CD44: variants seen among roughly 807,000 people sequenced by gnomAD.
CD44 encodes CD44 antigen.
A neutral mutation model predicts 88.8 loss-of-function variants in CD44; 49 were observed. That is an observed-to-expected ratio of 0.55 (90% confidence interval 0.44 to 0.70). The LOEUF is 0.70. CD44 is among the 30% of genes least tolerant of loss of function. CD44 has a pLI of 0.00. For missense variants in CD44, 883 were observed against 913.8 expected (o/e 0.97, Z 0.43); for synonymous variants, 325 against 312.3 (o/e 1.04, Z -0.43).
chr11:35,223,190 A>G, intron 17 of CD44: 1 of 984,684 alleles, frequency 1.0e-6, no homozygotes, highest in Non-Finnish European at 1.2e-6. Flanking sequence ...CTATGATTGA[A>G]TGGAAAGATT....
chr11:35,159,540 G>A (rs1590957510), intron 1 of CD44, among the ~76,000 whole-genome samples: 1 of 152,112 alleles, frequency 6.6e-6, no homozygotes, highest in African/African-American at 2.4e-5. Context: ...AGTCATCCAA[G>A]GTTTCATCTT....
chr11:35,168,227 T>C (rs971823123), intron 1 of CD44, among the ~76,000 whole-genome samples: 2 of 152,168 alleles, frequency 1.3e-5, no homozygotes, highest in Non-Finnish European at 2.9e-5. Context: ...AAAAATCACA[T>C]GAAGGGTAAG....
intron 1 of CD44, among the ~76,000 whole-genome samples, chr11:35,157,814 T>C (rs937987043): frequency 1.3e-5 from 2 of 152,164 alleles, no homozygotes; most frequent in Non-Finnish European, 2.9e-5. Flanking sequence ...GAAACATTTT[T>C]CCTCTAGAGA....
chr11:35,228,969 T>A (rs1428652265), intron 17 of CD44, among the ~76,000 whole-genome samples, 160 bp from the exon 18 acceptor site: 1 of 152,178 alleles, frequency 6.6e-6, no homozygotes, highest in Non-Finnish European at 1.5e-5. Flanking sequence ...GTGCTGGTTG[T>A]TAGTTGTTAA....
intron 14 of CD44, chr11:35,213,639 G>A (rs1386995478): frequency 2.0e-5 from 3 of 152,242 alleles, no homozygotes; most frequent in South Asian, 2.1e-4. Context: ...GCGACAGAAC[G>A]AGGCTCCGTC....
At chr11:35,171,628 A>G (rs1164728544) in intron 1 of CD44, among the ~76,000 whole-genome samples, 1 of 152,228 alleles carries the variant, frequency 6.6e-6, no homozygotes, top group Non-Finnish European at 1.5e-5. Flanking sequence ...TGGAAAAATG[A>G]GATTAAAAGA....
intron 1 of CD44, among the ~76,000 whole-genome samples, chr11:35,157,162 A>T (rs1981154): frequency 0.12 from 17,867 of 152,198 alleles, 1,315 homozygotes; most frequent in African/African-American, 0.2. Flanking sequence ...ACATGGAGAC[A>T]CTGAATTTGG....
At chr11:35,212,341 G>A (rs1312100424) in intron 14 of CD44, among the ~76,000 whole-genome samples, 1 of 151,950 alleles carries the variant, frequency 6.6e-6, no homozygotes, top group Non-Finnish European at 1.5e-5. Flanking sequence ...TTGGAGCAGA[G>A]ATCTTCTCTC....
At chr11:35,190,352 C>T (rs1946148091) in intron 5 of CD44, 1 of 481,688 alleles carries the variant, frequency 2.1e-6, no homozygotes, top group Non-Finnish European at 3.8e-6. Flanking sequence ...CTCTTATCCC[C>T]AGGTATACAG....
rs147546247 is a variant in CD44 at position 35,222,258 on chromosome 11, A to T, written c.2024+526A>T. 20 of 440,474 alleles carry T rather than the reference A, an allele frequency of 4.5e-5. No homozygotes were observed. In the East Asian group the frequency reaches 1.6e-3, roughly 35 times the overall value. 27.3% of individuals were successfully genotyped at this position (440,474 alleles called of 1,614,324 possible). A position where few individuals can be genotyped will look rare whatever the true frequency, so the allele number is the denominator to read the frequency against. On this transcript the variant is annotated intron_variant, in intron 17 of 17. Coordinates refer to ENST00000428726, the MANE Select transcript of CD44 (RefSeq NM_000610.4). ...CAGGGAACCTTTAAGAACTTTTACC[A>T]GAAGGAAGTATTGGCCTTGTGCTTT...
intron 2 of CD44, 149 bp from the exon 3 acceptor site, chr11:35,180,125 A>T: frequency 1.5e-6 from 1 of 664,250 alleles, no homozygotes; most frequent in Non-Finnish European, 2.6e-6. Context: ...TTATTTTTGG[A>T]TTTCAAATAA....
intron 5 of CD44, among the ~76,000 whole-genome samples, chr11:35,194,655 A>G (rs1946563581): frequency 6.6e-6 from 1 of 152,228 alleles, no homozygotes. Flanking sequence ...TAGTGAGAAT[A>G]GGGTCTTGTA....
intron 12 of CD44, among the ~76,000 whole-genome samples, chr11:35,208,961 A>T (rs1948150024): frequency 6.6e-6 from 1 of 152,218 alleles, no homozygotes; most frequent in Admixed American, 6.5e-5. Context: ...GCAAGCATGT[A>T]TTGATGGTCA....
intron 1 of CD44, among the ~76,000 whole-genome samples, chr11:35,145,225 C>T (rs1858883842): frequency 6.6e-6 from 1 of 152,222 alleles, no homozygotes; most frequent in Non-Finnish European, 1.5e-5. Context: ...GGGATCATGT[C>T]ACATTCATTT....
At chr11:35,158,820 G>A (rs921966715) in intron 1 of CD44, among the ~76,000 whole-genome samples, 4 of 152,216 alleles carry the variant, frequency 2.6e-5, no homozygotes, top group Admixed American at 1.3e-4. Context: ...GGAATGTTCC[G>A]GGAAGCAGGA....
chr11:35,166,989 G>A (rs922392740), intron 1 of CD44, among the ~76,000 whole-genome samples: 1 of 152,228 alleles, frequency 6.6e-6, no homozygotes, highest in Non-Finnish European at 1.5e-5. Flanking sequence ...CAGGAGATGG[G>A]GGCGAGTGAT....
chr11:35,148,888 G>A lies in CD44; in HGVS notation c.67+9518G>A, dbSNP rs989519431. 5.9e-5 allele frequency among the ~76,000 whole-genome samples: 9 copies of A among 151,588 alleles called. No homozygotes were observed. In the South Asian group the frequency reaches 1.0e-3, roughly 18 times the overall value. ...CTTTTTCTTCATTTTTTTTCTTTCTGGTCTATACAAATCTTCTTTCATTTT... is the reference window on the plus strand; with the variant it reads ...CTTTTTCTTCATTTTTTTTCTTTCTAGTCTATACAAATCTTCTTTCATTTT... On this transcript the variant is annotated intron_variant, in intron 1 of 17. Coordinates refer to ENST00000428726, the MANE Select transcript of CD44 (RefSeq NM_000610.4).
intron 7 of CD44, among the ~76,000 whole-genome samples, chr11:35,198,916 C>T (rs114395255): frequency 0.09 from 13,434 of 149,286 alleles, 2,097 homozygotes; most frequent in African/African-American, 0.32. Flanking sequence ...GAGGAGATCG[C>T]GCCACTGCAC....
chr11:35,206,525 A>G (rs1947856844), intron 11 of CD44, among the ~76,000 whole-genome samples: 1 of 152,140 alleles, frequency 6.6e-6, no homozygotes, highest in Non-Finnish European at 1.5e-5. Flanking sequence ...TATGAAATGA[A>G]TGTTGCCAAC....
Sources: gnomAD v4.1 joint callset for allele counts (sites outside exome capture counted in the v4.1 genomes callset) on GRCh38, gnomAD v4.1.1 for gene constraint, MANE v1.5 for transcripts, NCBI Gene and HGNC (gene_info 2026-07-23, HGNC 2026-07-21) for gene names.